Variants in IL27 observed in about 807,000 individuals in gnomAD.
IL27 encodes the protein interleukin-27 subunit alpha.
In IL27, 11 loss-of-function variants were observed where a neutral mutation model predicts 27.0. The ratio of observed to expected loss-of-function variants is 0.41; its 90% confidence interval spans 0.26 to 0.67. The LOEUF (loss-of-function observed/expected upper bound fraction) is 0.67. Among genes scored for constraint, IL27 ranks in the 30% least tolerant of loss-of-function variants. The pLI, the probability that IL27 is intolerant of heterozygous loss-of-function variation, is 0.34. For synonymous variants in IL27, 134 were observed against 140.6 expected, an observed-to-expected ratio of 0.95 and a Z score of 0.33; for missense variants, 299 against 310.4, an observed-to-expected ratio of 0.96 and a Z score of 0.28.
At chr16:28,503,610 C>T (rs2141738351) in intron 3 of IL27, 85 bp downstream of exon 3, 1 of 973,742 alleles carries the variant, frequency 1.0e-6, no homozygotes, top group African/African-American at 1.6e-5. Flanking sequence ...CCCAATGCAT[C>T]TCCAGCTCAA....
chr16:28,501,657 TCA>T (rs370464253), intron 4 of IL27, among the ~76,000 whole-genome samples: 2 of 125,262 alleles, frequency 1.6e-5, no homozygotes, highest in East Asian at 2.4e-4. Context: ...ACCCACACCC[TCA>T]CACACAGTCA....
chr16:28,499,716 G>A lies in IL27; in HGVS notation c.667C>T (p.Leu223=). 4 of 1,613,642 alleles carry A rather than the reference G, an allele frequency of 2.5e-6. No homozygotes were observed. Among genetic ancestry groups the A allele is most frequent in the East Asian group, 2.2e-5 (1 of 44,854 alleles). The part of the protein sequence containing the change: ...VLSRAVRELL[L]LSKAGHSVWP... ...ACTGAGTGCCCAGCCTTGGACAGCA[G>A]CAGCAACTCCCGCACGGCCCGAGAT... The change falls in exon 5 of 5, where the codon CTG becomes TTG. Residue 223 remains leucine (L), a synonymous_variant. Coordinates refer to ENST00000356897, the MANE Select transcript of IL27 (RefSeq NM_145659.3).
chr16:28,505,323 C>T lies in IL27; in HGVS notation c.32-1273G>A, dbSNP rs77483995. Among the ~76,000 whole-genome samples the T allele has an allele frequency of 7.7e-3, 1,147 of 149,116 alleles. 22 individuals are homozygous for T. Among genetic ancestry groups the T allele is most frequent in the African/African-American group, 0.026 (1,075 of 40,692 alleles). On this transcript the variant is annotated intron_variant, in intron 1 of 4. Coordinates refer to ENST00000356897, the MANE Select transcript of IL27 (RefSeq NM_145659.3). ...TCCTAGCAGGGTAACCTGCCTGGGGCGAATCCACAGTATGGGAGCTTTTTT... is the reference window on the plus strand; with the variant it reads ...TCCTAGCAGGGTAACCTGCCTGGGGTGAATCCACAGTATGGGAGCTTTTTT...
intron 2 of IL27, 24 bp downstream of exon 2, chr16:28,503,854 G>C: frequency 6.2e-7 from 1 of 1,613,470 alleles, no homozygotes; most frequent in African/African-American, 1.3e-5. Flanking sequence ...CATCTCCAGC[G>C]CCAGCTGCAT....
intron 3 of IL27, 140 bp from the exon 4 acceptor site, chr16:28,502,274 C>T: frequency 1.4e-6 from 1 of 737,190 alleles, no homozygotes; most frequent in South Asian, 1.9e-5. Flanking sequence ...CCCACCTCAG[C>T]CCAGCTGTGT....
rs368368227 is a variant in IL27, at chr16:28,505,287, C to T, written c.32-1237G>A. On this transcript the variant is annotated intron_variant, in intron 1 of 4. Coordinates refer to ENST00000356897, the MANE Select transcript of IL27 (RefSeq NM_145659.3). ...GGACAGGTTTGTCCAGTTTCCACCA[C>T]GGCAGGTGGATCCTAGCAGGGTAAC... is the stretch of plus-strand genomic sequence containing the variant. 5.9e-5 allele frequency among the ~76,000 whole-genome samples: 9 copies of T among 151,992 alleles called. No individual in the cohort carries two copies. In the East Asian group the frequency reaches 1.2e-3, roughly 20 times the overall value.
At chr16:28,503,644 GGCCCCA>G in intron 3 of IL27, 45 bp downstream of exon 3, 1 of 1,375,704 alleles carries the variant, frequency 7.3e-7, no homozygotes, top group Non-Finnish European at 1.0e-6. Context: ...CTTGCACCCT[GGCCCCA>G]GCCTATCACA....
intron 4 of IL27, among the ~76,000 whole-genome samples, chr16:28,500,947 C>A (rs2046425641): frequency 6.6e-6 from 1 of 152,158 alleles, no homozygotes; most frequent in Non-Finnish European, 1.5e-5. Flanking sequence ...CGCCTGTAAT[C>A]CCAGCACTTT....
intron 1 of IL27, among the ~76,000 whole-genome samples, chr16:28,505,832 T>C (rs2151627031): frequency 6.6e-6 from 1 of 152,302 alleles, no homozygotes; most frequent in African/African-American, 2.4e-5. Flanking sequence ...GCCTCTTCCC[T>C]GTCCTCTCTC....
Position 28,503,698 on chromosome 16 carries a change from G to A in IL27, c.300C>T (p.Leu100=). The change falls in exon 3 of 5, where the codon CTC becomes CTT. Residue 100 remains leucine (L), a synonymous_variant. Transcript: ENST00000356897. The part of the protein sequence containing the change: ...VSLTFQAWRR[L]SDPERLCFIS... ...CACTCCACCAGCCCTCACTCACAGAGAGGCGGCGCCAGGCCTGGAAGGTCA... is the reference window on the plus strand; with the variant it reads ...CACTCCACCAGCCCTCACTCACAGAAAGGCGGCGCCAGGCCTGGAAGGTCA... 6.2e-7 allele frequency: 1 copy of A among 1,607,314 alleles called. No homozygotes were observed. Among genetic ancestry groups the A allele is most frequent in the Non-Finnish European group, 8.5e-7 (1 of 1,176,280 alleles).
rs1263516465 is a variant in IL27, at chr16:28,503,782, G to A, written c.216C>T (p.His72=). 3 of 1,613,516 alleles carry A rather than the reference G, an allele frequency of 1.9e-6. No homozygotes were observed. The highest frequency in any genetic ancestry group is 1.1e-5 in the South Asian group (1 of 91,000). Residue 72 remains histidine, a synonymous_variant, in exon 3 of 5, where the codon CAC becomes CAT. Transcript: ENST00000356897. ...GGAGGTACAGGTTCACTCCTGGCAG[G>A]TGAGATTCCGCCTGGGGGGCAAGGT... is the stretch of plus-strand genomic sequence containing the variant. The part of the protein sequence containing the change: ...RGQAHRFAES[H]LPGVNLYLLP...
At chr16:28,503,305 G>C (rs2046443817) in intron 3 of IL27, among the ~76,000 whole-genome samples, 1 of 151,916 alleles carries the variant, frequency 6.6e-6, no homozygotes, top group African/African-American at 2.4e-5. Context: ...CTCCATCCTG[G>C]AGTCCAGGAT....
chr16:28,503,501 C>T (rs1428234367), intron 3 of IL27, among the ~76,000 whole-genome samples, 194 bp downstream of exon 3: 1 of 152,212 alleles, frequency 6.6e-6, no homozygotes, highest in East Asian at 1.9e-4. Context: ...AGTCCTTCCA[C>T]CTGGGCCTCC....
At chr16:28,505,201 G>A (rs956108567) in intron 1 of IL27, among the ~76,000 whole-genome samples, 2 of 152,230 alleles carry the variant, frequency 1.3e-5, no homozygotes, top group Non-Finnish European at 2.9e-5. Context: ...GGCTTGAACT[G>A]GCCATGAGGT....
intron 4 of IL27, among the ~76,000 whole-genome samples, chr16:28,501,737 ACACT>A (rs1328308728): frequency 3.0e-5 from 4 of 135,490 alleles, no homozygotes; most frequent in African/African-American, 1.0e-4. Flanking sequence ...TCACAGACCC[ACACT>A]CACACACTCT....
In IL27 at chr16:28,503,967, T is replaced by C; in HGVS notation, c.115A>G (p.Ser39Gly). Reference protein sequence around the residue: ...FPRPPGRPQLSLQELRREFTV... With the variant: ...FPRPPGRPQLGLQELRREFTV... ...AACTCCCTCCGCAGCTCCTGCAGGCTCAGCTGGGGCCTCCCTGGGGGCCTT... is the reference window on the plus strand; with the variant it reads ...AACTCCCTCCGCAGCTCCTGCAGGCCCAGCTGGGGCCTCCCTGGGGGCCTT... The change falls in exon 2 of 5, where the codon AGC (serine) becomes GGC (glycine). Residue 39 changes from serine to glycine, a missense_variant. Transcript: ENST00000356897. 6.2e-7 allele frequency: 1 copy of C among 1,614,088 alleles called. No homozygotes were observed. Among genetic ancestry groups the C allele is most frequent in the Admixed American group, 1.7e-5 (1 of 60,012 alleles).
intron 3 of IL27, 96 bp from the exon 4 acceptor site, chr16:28,502,230 G>T: frequency 8.6e-7 from 1 of 1,166,200 alleles, no homozygotes; most frequent in Non-Finnish European, 1.2e-6. Flanking sequence ...CCCATTCCAC[G>T]CTCCAGCCTC....
At chr16:28,504,201 G>C (rs773243130) in intron 1 of IL27, 151 bp from the exon 2 acceptor site, 11 of 784,504 alleles carry the variant, frequency 1.4e-5, no homozygotes, top group Non-Finnish European at 2.2e-5. Flanking sequence ...ATGGAGGCTG[G>C]GTGCGGTGAC....
At chr16:28,503,600 C>G in intron 3 of IL27, 95 bp downstream of exon 3, 2 of 858,326 alleles carry the variant, frequency 2.3e-6, no homozygotes, top group Non-Finnish European at 3.7e-6. Context: ...AGGTTCTATC[C>G]CCAATGCATC....
Sources: gnomAD v4.1 joint callset for allele counts (sites outside exome capture counted in the v4.1 genomes callset) on GRCh38, gnomAD v4.1.1 for gene constraint, MANE v1.5 for transcripts, NCBI Gene and HGNC (gene_info 2026-07-23, HGNC 2026-07-21) for gene names.